The following APBA2 variants were observed in gnomAD, a reference collection of about 807,000 sequenced individuals.
APBA2 encodes the protein amyloid-beta A4 precursor protein-binding family A member 2.
APBA2 carries 30 observed loss-of-function variants against 75.0 expected under a neutral mutation model. That is an observed-to-expected ratio of 0.40 (90% confidence interval 0.30 to 0.54). The LOEUF (loss-of-function observed/expected upper bound fraction) is 0.54, where lower values mean the gene tolerates loss of function less well. Ranked by LOEUF, APBA2 falls within the 20% of genes least tolerant of loss-of-function variation. APBA2 has a pLI of 0.49. For synonymous variants in APBA2, 444 were observed against 409.6 expected, an observed-to-expected ratio of 1.08 and a Z score of -1.01; for missense variants, 801 against 1,016.1, an observed-to-expected ratio of 0.79 and a Z score of 2.88.
chr15:29,003,435 C>G (rs955745450), intron 3 of APBA2, among the ~76,000 whole-genome samples: 4 of 152,332 alleles, frequency 2.6e-5, no homozygotes, highest in East Asian at 1.9e-4. Flanking sequence ...TTAGTCTAGA[C>G]TCTTGCTGTT....
At chr15:29,052,569 C>A (rs1426325915) in intron 3 of APBA2, among the ~76,000 whole-genome samples, 1 of 152,096 alleles carries the variant, frequency 6.6e-6, no homozygotes, top group Non-Finnish European at 1.5e-5. Flanking sequence ...TTTCACTGGT[C>A]TCCCTGCCTC....
At chr15:28,992,104 C>T (rs1004839445) in intron 2 of APBA2, among the ~76,000 whole-genome samples, 2 of 152,176 alleles carry the variant, frequency 1.3e-5, no homozygotes, top group Non-Finnish European at 2.9e-5. Flanking sequence ...TTCTTCCACT[C>T]ATGTGCCTTT....
chr15:29,008,460 C>CATTA (rs1261932987), intron 3 of APBA2, among the ~76,000 whole-genome samples: 1 of 152,056 alleles, frequency 6.6e-6, no homozygotes, highest in Non-Finnish European at 1.5e-5. Flanking sequence ...TCTAGTAAAA[C>CATTA]ACACACTGAA....
chr15:28,897,456 A>C (rs2032566007), intron 1 of APBA2, among the ~76,000 whole-genome samples: 2 of 151,900 alleles, frequency 1.3e-5, no homozygotes. Context: ...TCTCTACTGA[A>C]AATACAAAAC....
chr15:29,039,386 C>T (rs1211368750), intron 3 of APBA2, among the ~76,000 whole-genome samples: 1 of 152,118 alleles, frequency 6.6e-6, no homozygotes, highest in Non-Finnish European at 1.5e-5. Context: ...CCTTATCCTC[C>T]TGGCATCCAG....
intron 2 of APBA2, among the ~76,000 whole-genome samples, chr15:28,992,787 C>G (rs1351662897): frequency 1.3e-5 from 2 of 152,162 alleles, no homozygotes; most frequent in African/African-American, 4.8e-5. Context: ...TGCAGGGCTG[C>G]AGAATAAACC....
chr15:29,104,489 T>A (rs893459790), intron 10 of APBA2, among the ~76,000 whole-genome samples: 1 of 152,266 alleles, frequency 6.6e-6, no homozygotes, highest in African/African-American at 2.4e-5. Context: ...CCCTGAGTGC[T>A]GTTTCAGTGT....
chr15:29,013,694 A>G (rs2039518078), intron 3 of APBA2, among the ~76,000 whole-genome samples: 1 of 152,246 alleles, frequency 6.6e-6, no homozygotes, highest in African/African-American at 2.4e-5. Flanking sequence ...ATGACCTTGG[A>G]AGACAGTATT....
chr15:28,910,418 C>T (rs1417274034), intron 1 of APBA2, among the ~76,000 whole-genome samples: 3 of 152,190 alleles, frequency 2.0e-5, no homozygotes, highest in African/African-American at 7.2e-5. Context: ...ACAATGATTC[C>T]TGCCAAAATC....
Position 29,029,004 on chromosome 15 carries a change from T to C in APBA2, c.-40-24841T>C, listed in dbSNP as rs2040358840. Among the ~76,000 whole-genome samples the C allele has an allele frequency of 2.0e-5, 3 of 152,322 alleles. No homozygotes were observed. The South Asian group carries it at 6.2e-4, about 32-fold the overall frequency. ...TTTCTTTTGCTGTGCAGAAGCTCTT[T>C]AGTTTAATTAGTTCCCATTTGTCAA... On this transcript the variant is annotated intron_variant, in intron 3 of 14. Transcript: ENST00000683413.
chr15:28,895,363 C>G (rs138878547), intron 1 of APBA2, among the ~76,000 whole-genome samples: 13,377 of 152,118 alleles, frequency 0.088, 1,810 homozygotes, highest in African/African-American at 0.29. Context: ...GGGGACTGCA[C>G]AGGGCTTGGG....
intron 2 of APBA2, among the ~76,000 whole-genome samples, chr15:28,938,981 A>G (rs2035033326): frequency 6.6e-6 from 1 of 152,018 alleles, no homozygotes; most frequent in South Asian, 2.1e-4. Context: ...TCTTCCCAAA[A>G]CTTAAATTGT....
intron 6 of APBA2, among the ~76,000 whole-genome samples, chr15:29,081,764 G>C (rs1458969050): frequency 6.6e-6 from 1 of 152,256 alleles, no homozygotes; most frequent in Admixed American, 6.5e-5. Context: ...AGGATCGGTT[G>C]AGTGGATGTG....
intron 12 of APBA2, among the ~76,000 whole-genome samples, chr15:29,107,504 G>T (rs965984352): frequency 2.0e-5 from 3 of 152,172 alleles, no homozygotes; most frequent in Admixed American, 6.5e-5. Flanking sequence ...TGGAGGAAGC[G>T]CCTTCCTCCT....
chr15:29,036,132 G>T (rs1018956529), intron 3 of APBA2, among the ~76,000 whole-genome samples: 1 of 152,092 alleles, frequency 6.6e-6, no homozygotes, highest in African/African-American at 2.4e-5. Flanking sequence ...GTCCTTGTAG[G>T]CAGAGCCCTC....
intron 2 of APBA2, among the ~76,000 whole-genome samples, chr15:28,930,232 G>A (rs2034493024): frequency 6.6e-6 from 1 of 152,144 alleles, no homozygotes; most frequent in Non-Finnish European, 1.5e-5. Context: ...AGAAGGCCCA[G>A]TTTCAGGCTT....
At chr15:29,075,166 AGGAGGTGAGGGCACACTGGCCTG>A (rs1341825632) in intron 5 of APBA2, among the ~76,000 whole-genome samples, 165 bp downstream of exon 5, 1 of 151,990 alleles carries the variant, frequency 6.6e-6, no homozygotes, top group African/African-American at 2.4e-5. Flanking sequence ...CCATATGGTG[AGGAGGTGAGGGCACACTGGCCTG>A]GGAGGAGGGA....
intron 13 of APBA2, among the ~76,000 whole-genome samples, chr15:29,112,521 T>G (rs1054713766): frequency 6.6e-6 from 1 of 152,034 alleles, no homozygotes; most frequent in Non-Finnish European, 1.5e-5. Flanking sequence ...GCCACTCGCC[T>G]CCTCCCAGGG....
chr15:29,027,104 A>G (rs929984474), intron 3 of APBA2, among the ~76,000 whole-genome samples: 1 of 152,186 alleles, frequency 6.6e-6, no homozygotes, highest in Non-Finnish European at 1.5e-5. Flanking sequence ...TAGTGAACCT[A>G]TTTGTTAAAG....
Sources: allele counts gnomAD v4.1 joint callset (sites outside exome capture counted in the v4.1 genomes callset), GRCh38; gene constraint gnomAD v4.1.1; transcripts MANE v1.5; gene names NCBI Gene and HGNC (gene_info 2026-07-23, HGNC 2026-07-21).